Variants in CDH13 observed in about 807,000 individuals in gnomAD.
CDH13 encodes cadherin 13.
A neutral mutation model predicts 63.8 loss-of-function variants in CDH13; 24 were observed. The ratio of observed to expected loss-of-function variants is 0.38; its 90% CI spans 0.27 to 0.53. The LOEUF is 0.53. Ranked by LOEUF, CDH13 falls within the 20% of genes least tolerant of loss-of-function variation. The pLI is 0.85. For synonymous variants in CDH13, 503 were observed against 355.3 expected (o/e 1.42, Z -4.67); for missense variants, 1,049 against 903.1 (o/e 1.16, Z -2.07).
chr16:83,481,480 C>G (rs1342746974), intron 6 of CDH13, among the ~76,000 whole-genome samples: 2 of 152,192 alleles, frequency 1.3e-5, no homozygotes, highest in South Asian at 2.1e-4. Context: ...CACAGGAAAG[C>G]AAAACTTCAA....
At chr16:83,017,798 T>G (rs1009883373) in intron 2 of CDH13, among the ~76,000 whole-genome samples, 1 of 152,196 alleles carries the variant, frequency 6.6e-6, no homozygotes, top group Non-Finnish European at 1.5e-5. Flanking sequence ...CAACACGCTT[T>G]GATGCCACAG....
chr16:82,753,118 A>T (rs1423638798), intron 1 of CDH13, among the ~76,000 whole-genome samples: 2 of 152,204 alleles, frequency 1.3e-5, no homozygotes, highest in African/African-American at 4.8e-5. Context: ...TACAAACAGT[A>T]CGTGTCAGCT....
intron 1 of CDH13, among the ~76,000 whole-genome samples, chr16:82,813,616 C>T (rs973439591): frequency 3.9e-5 from 6 of 152,150 alleles, no homozygotes; most frequent in African/African-American, 1.2e-4. Context: ...CGCTGTGTGT[C>T]TGTGGCTATA....
chr16:82,688,023 C>G (rs1282769099), intron 1 of CDH13, among the ~76,000 whole-genome samples: 2 of 152,180 alleles, frequency 1.3e-5, no homozygotes, highest in Non-Finnish European at 2.9e-5. Flanking sequence ...TCAGTGATCA[C>G]AGATCTATAT....
chr16:82,917,394 T>C (rs952554917), intron 2 of CDH13, among the ~76,000 whole-genome samples: 3 of 152,006 alleles, frequency 2.0e-5, no homozygotes, highest in African/African-American at 7.3e-5. Flanking sequence ...GATAAGTTAA[T>C]AGACAGGGCA....
intron 2 of CDH13, among the ~76,000 whole-genome samples, chr16:82,916,271 G>A (rs931326505): frequency 6.6e-6 from 1 of 152,058 alleles, no homozygotes; most frequent in African/African-American, 2.4e-5. Context: ...CGTGTAAAAT[G>A]ATTCAAATAA....
chr16:83,459,402 C>A (rs1201465578), intron 6 of CDH13, among the ~76,000 whole-genome samples: 3 of 152,176 alleles, frequency 2.0e-5, no homozygotes, highest in Non-Finnish European at 4.4e-5. Flanking sequence ...GTTTCATGAG[C>A]CTTAACCTCA....
At chr16:82,865,072 C>G (rs1158550923) in intron 2 of CDH13, among the ~76,000 whole-genome samples, 2 of 152,248 alleles carry the variant, frequency 1.3e-5, no homozygotes, top group Non-Finnish European at 2.9e-5. Flanking sequence ...ACAGGTCACC[C>G]TGATGCAAGA....
chr16:83,706,485 T>C (rs1907074735), intron 10 of CDH13, among the ~76,000 whole-genome samples: 1 of 152,082 alleles, frequency 6.6e-6, no homozygotes, highest in African/African-American at 2.4e-5. Context: ...AGAGAACAGA[T>C]TGGGAATCAG....
intron 1 of CDH13, among the ~76,000 whole-genome samples, chr16:82,802,854 C>G (rs554224634): frequency 6.6e-6 from 1 of 152,330 alleles, no homozygotes; most frequent in East Asian, 1.9e-4. Flanking sequence ...CCAACAGTCA[C>G]AAAGGACTCT....
At chr16:83,105,608 T>TTGCC (rs2034724859) in intron 3 of CDH13, among the ~76,000 whole-genome samples, 1 of 152,196 alleles carries the variant, frequency 6.6e-6, no homozygotes, top group South Asian at 2.1e-4. Context: ...AAAAAAGAGG[T>TTGCC]TGCCATGTGA....
intron 3 of CDH13, among the ~76,000 whole-genome samples, chr16:83,099,114 C>T (rs184238286): frequency 6.6e-5 from 10 of 152,118 alleles, no homozygotes; most frequent in Admixed American, 2.0e-4. Context: ...AGTGTTCATA[C>T]ATATAAGATC....
intron 8 of CDH13, among the ~76,000 whole-genome samples, chr16:83,666,184 T>C (rs141799948): frequency 8.3e-4 from 127 of 152,376 alleles, no homozygotes; most frequent in Non-Finnish European, 1.4e-3. Flanking sequence ...TTTCTATTGT[T>C]TTTAAATCAC....
At chr16:83,043,670 C>T (rs1405216982) in intron 3 of CDH13, among the ~76,000 whole-genome samples, 1 of 151,940 alleles carries the variant, frequency 6.6e-6, no homozygotes, top group Non-Finnish European at 1.5e-5. Flanking sequence ...ACCAGCCTGG[C>T]CAGGATGGTG....
At chr16:82,895,065 G>A (rs943266965) in intron 2 of CDH13, among the ~76,000 whole-genome samples, 3 of 152,232 alleles carry the variant, frequency 2.0e-5, no homozygotes, top group East Asian at 1.9e-4. Flanking sequence ...TTTATATGAC[G>A]TAGAATCACT....
At chr16:82,877,040 A>T (rs1307427635) in intron 2 of CDH13, among the ~76,000 whole-genome samples, 2 of 152,236 alleles carry the variant, frequency 1.3e-5, no homozygotes, top group African/African-American at 4.8e-5. Context: ...GACTACATTT[A>T]TGAGAACTCA....
At chr16:83,609,333 T>C (rs1908650560) in intron 8 of CDH13, among the ~76,000 whole-genome samples, 1 of 152,180 alleles carries the variant, frequency 6.6e-6, no homozygotes, top group South Asian at 2.1e-4. Flanking sequence ...AGCCAAAAGA[T>C]TGGGCAACCC....
intron 2 of CDH13, among the ~76,000 whole-genome samples, chr16:82,928,790 G>A (rs2151291669): frequency 6.6e-6 from 1 of 152,262 alleles, no homozygotes; most frequent in East Asian, 1.9e-4. Flanking sequence ...GACATTCAAT[G>A]GGAAACCACT....
chr16:83,272,467 G>A (rs922470128), intron 5 of CDH13, among the ~76,000 whole-genome samples: 3 of 152,060 alleles, frequency 2.0e-5, no homozygotes, highest in Non-Finnish European at 4.4e-5. Context: ...ATACCACACG[G>A]GTATTTTCCC....
Sources: allele counts gnomAD v4.1 joint callset (sites outside exome capture counted in the v4.1 genomes callset), GRCh38; gene constraint gnomAD v4.1.1; transcripts MANE v1.5; gene names NCBI Gene and HGNC (gene_info 2026-07-23, HGNC 2026-07-21).